Variants in CRADD observed in about 807,000 individuals in gnomAD.
CRADD encodes the protein CARD and death domain containing adaptor protein.
In CRADD, 9 loss-of-function variants were observed where a neutral mutation model predicts 15.5. The ratio of observed to expected loss-of-function variants is 0.58; its 90% CI spans 0.35 to 1.01. The LOEUF (loss-of-function observed/expected upper bound fraction) is 1.01, where lower values mean the gene tolerates loss of function less well. CRADD is among the 50% of genes least tolerant of loss of function. The pLI is 0.02. For missense variants in CRADD, 227 were observed against 250.3 expected (o/e 0.91, Z 0.63); for synonymous variants, 118 against 107.6 (o/e 1.10, Z -0.60).
intron 2 of CRADD, among the ~76,000 whole-genome samples, chr12:93,804,542 G>T (rs534144320): frequency 2.0e-5 from 3 of 152,180 alleles, no homozygotes; most frequent in African/African-American, 7.2e-5. Context: ...ATGTAGTGCG[G>T]GGTGTCTGCC....
At chr12:93,888,717 G>A (rs1243338772) in intron 2 of CRADD, among the ~76,000 whole-genome samples, 1 of 152,140 alleles carries the variant, frequency 6.6e-6, no homozygotes, top group African/African-American at 2.4e-5. Flanking sequence ...GCCAGAGATG[G>A]GGGTAGTCTA....
At chr12:93,765,006 A>ATT (rs34982552) in intron 2 of CRADD, among the ~76,000 whole-genome samples, 4 of 147,962 alleles carry the variant, frequency 2.7e-5, no homozygotes, top group African/African-American at 9.8e-5. Context: ...GAAACTCTGA[A>ATT]TTTTTTTTTT....
chr12:93,831,217 C>T (rs1957895882), intron 2 of CRADD: 1 of 153,892 alleles, frequency 6.5e-6, no homozygotes, highest in Admixed American at 6.5e-5. Context: ...ATGGTGACCT[C>T]CTGGGAGCAG....
chr12:93,707,566 G>A (rs945363948), intron 2 of CRADD, among the ~76,000 whole-genome samples: 2 of 152,190 alleles, frequency 1.3e-5, no homozygotes, highest in Non-Finnish European at 2.9e-5. Flanking sequence ...CCCAAAATGT[G>A]AGGATGGAAG....
intron 2 of CRADD, among the ~76,000 whole-genome samples, chr12:93,830,631 T>C (rs1957884945): frequency 6.6e-6 from 1 of 152,228 alleles, no homozygotes; most frequent in African/African-American, 2.4e-5. Context: ...AATATGCCCC[T>C]TCACCTGCTT....
At chr12:93,690,918 G>A (rs1478365309) in intron 2 of CRADD, among the ~76,000 whole-genome samples, 4 of 152,166 alleles carry the variant, frequency 2.6e-5, no homozygotes, top group Admixed American at 2.6e-4. Context: ...TTTTCATTAT[G>A]TGTATGTCAG....
intron 2 of CRADD, among the ~76,000 whole-genome samples, chr12:93,882,149 C>T (rs547496878): frequency 6.7e-4 from 100 of 149,362 alleles, no homozygotes; most frequent in Non-Finnish European, 1.1e-3. Context: ...AGGCCAGGCA[C>T]GGTGGCTCAT....
At chr12:93,870,233 C>T (rs995140257) in intron 2 of CRADD, among the ~76,000 whole-genome samples, 6 of 152,230 alleles carry the variant, frequency 3.9e-5, no homozygotes, top group Admixed American at 2.0e-4. Context: ...TAAAGACATA[C>T]GACATAACAA....
intron 2 of CRADD, among the ~76,000 whole-genome samples, chr12:93,873,296 A>G (rs182045020): frequency 0.01 from 1,543 of 152,146 alleles, 33 homozygotes; most frequent in African/African-American, 0.035. Context: ...ATCAGTTCTA[A>G]TAGTTTCTTT....
rs116878885 is a variant in CRADD at position 93,684,175 on chromosome 12, A to G, written c.298+5103A>G. ...GGGCATTCATGCGTTCATCCAGCAA[A>G]TATTTGCTGAGTCTTGACCATGTGC... On this transcript the variant is annotated intron_variant, in intron 2 of 2. Coordinates refer to ENST00000332896, the MANE Select transcript of CRADD (RefSeq NM_003805.5). 1.3e-3 allele frequency among the ~76,000 whole-genome samples: 197 copies of G among 152,280 alleles called. 5 individuals are homozygous for G. In the East Asian group the frequency reaches 0.028, roughly 22 times the overall value.
intron 2 of CRADD, among the ~76,000 whole-genome samples, chr12:93,710,935 G>A (rs1328920334): frequency 6.6e-6 from 1 of 151,926 alleles, no homozygotes; most frequent in East Asian, 1.9e-4. Flanking sequence ...TGAACCCTTT[G>A]GTTTTGAGCT....
At chr12:93,754,269 C>T (rs1019529648) in intron 2 of CRADD, among the ~76,000 whole-genome samples, 4 of 152,214 alleles carry the variant, frequency 2.6e-5, no homozygotes, top group Non-Finnish European at 4.4e-5. Context: ...TCCATGAAAC[C>T]ATTTTTTCCT....
At chr12:93,800,072 C>T (rs894774724) in intron 2 of CRADD, among the ~76,000 whole-genome samples, 4 of 151,958 alleles carry the variant, frequency 2.6e-5, no homozygotes, top group African/African-American at 9.7e-5. Context: ...GAGAGAGTAA[C>T]AGATAGGTAG....
chr12:93,750,276 T>G (rs1386782523), intron 2 of CRADD, among the ~76,000 whole-genome samples: 1 of 151,268 alleles, frequency 6.6e-6, no homozygotes, highest in African/African-American at 2.4e-5. Context: ...CGGGGCTTTA[T>G]TCACACTAGG....
At chr12:93,802,795 G>A (rs1957490342) in intron 2 of CRADD, among the ~76,000 whole-genome samples, 1 of 152,216 alleles carries the variant, frequency 6.6e-6, no homozygotes, top group Admixed American at 6.5e-5. Context: ...GAGCTTCTCA[G>A]TGTGAGCTCT....
intron 2 of CRADD, among the ~76,000 whole-genome samples, chr12:93,681,072 T>C (rs983139500): frequency 3.3e-5 from 5 of 152,034 alleles, no homozygotes; most frequent in African/African-American, 9.7e-5. Flanking sequence ...TTAGTAGAGA[T>C]GGGGTTTCTC....
chr12:93,735,216 G>C (rs1323505549), intron 2 of CRADD, among the ~76,000 whole-genome samples: 1 of 152,232 alleles, frequency 6.6e-6, no homozygotes, highest in Non-Finnish European at 1.5e-5. Context: ...CTTATGGTTT[G>C]TTCCATCTCA....
chr12:93,893,988 C>A, intron 2 of CRADD: 1 of 701,860 alleles, frequency 1.4e-6, no homozygotes. Context: ...GTGCACCACA[C>A]ACATTAGCTC....
At chr12:93,840,040 C>T (rs569579468) in intron 2 of CRADD, among the ~76,000 whole-genome samples, 9 of 152,298 alleles carry the variant, frequency 5.9e-5, no homozygotes, top group African/African-American at 2.2e-4. Flanking sequence ...CCATGGGATC[C>T]ACCACTGTTC....
Sources: allele counts gnomAD v4.1 joint callset (sites outside exome capture counted in the v4.1 genomes callset), GRCh38; gene constraint gnomAD v4.1.1; transcripts MANE v1.5; gene names NCBI Gene and HGNC (gene_info 2026-07-23, HGNC 2026-07-21).